TNPO1: variants seen among roughly 807,000 people sequenced by gnomAD.
TNPO1 encodes transportin 1, also known as transportin-1.
Under a neutral mutation model 119.5 loss-of-function variants are expected in TNPO1, and 8 were observed. The ratio of observed to expected loss-of-function variants is 0.07; its 90% confidence interval spans 0.04 to 0.12. The LOEUF is 0.12. Ranked by LOEUF, TNPO1 falls within the 10% of genes least tolerant of loss-of-function variation. The pLI is 1.00. For synonymous variants in TNPO1, 362 were observed against 363.0 expected, an observed-to-expected ratio of 1.00 and a Z score of 0.03; for missense variants, 576 against 1,089.8, an observed-to-expected ratio of 0.53 and a Z score of 6.64.
chr5:72,905,096 G>A, intron 23 of TNPO1, among the ~76,000 whole-genome samples: 1 of 152,112 alleles, frequency 6.6e-6, no homozygotes, highest in East Asian at 1.9e-4. Flanking sequence ...GGGAATTATG[G>A]GAGTACAATT....
intron 23 of TNPO1, among the ~76,000 whole-genome samples, chr5:72,904,736 G>A (rs1421257433): frequency 3.3e-5 from 5 of 152,198 alleles, no homozygotes; most frequent in African/African-American, 1.2e-4. Context: ...AGTGGAGGTT[G>A]CAGTGAGCCA....
intron 5 of TNPO1, among the ~76,000 whole-genome samples, chr5:72,862,590 G>C (rs1339663667): frequency 6.6e-6 from 1 of 151,722 alleles, no homozygotes; most frequent in Non-Finnish European, 1.5e-5. Flanking sequence ...GCCTCCCAAA[G>C]TGCTGGGATT....
intron 1 of TNPO1, among the ~76,000 whole-genome samples, chr5:72,843,032 A>G (rs1476367900): frequency 2.0e-5 from 3 of 152,158 alleles, no homozygotes; most frequent in Non-Finnish European, 4.4e-5. Context: ...GTCATTTACC[A>G]TAGTCATTCT....
intron 13 of TNPO1, among the ~76,000 whole-genome samples, chr5:72,888,763 A>G (rs924838504): frequency 1.3e-5 from 2 of 152,220 alleles, no homozygotes; most frequent in South Asian, 2.1e-4. Context: ...GTCAACCACC[A>G]TAACTCAGAA....
intron 9 of TNPO1, among the ~76,000 whole-genome samples, chr5:72,879,931 T>C (rs1330307296): frequency 2.6e-5 from 4 of 152,198 alleles, no homozygotes; most frequent in Non-Finnish European, 1.5e-5. Flanking sequence ...CTCATGCCTG[T>C]AACCTCAGCA....
chr5:72,871,417 G>C (rs1481925955), intron 6 of TNPO1, among the ~76,000 whole-genome samples: 1 of 152,180 alleles, frequency 6.6e-6, no homozygotes, highest in Admixed American at 6.5e-5. Flanking sequence ...GTGCTTTGCT[G>C]TAACTGCAGA....
chr5:72,826,765 G>A (rs373207500), intron 1 of TNPO1, among the ~76,000 whole-genome samples: 1 of 152,150 alleles, frequency 6.6e-6, no homozygotes, highest in Middle Eastern at 3.2e-3. Context: ...ACAGATACCT[G>A]TGTATTTAAT....
intron 4 of TNPO1, among the ~76,000 whole-genome samples, chr5:72,859,188 CTG>C (rs1746242051): frequency 6.6e-6 from 1 of 152,164 alleles, no homozygotes; most frequent in Non-Finnish European, 1.5e-5. Context: ...ATGTAGGACT[CTG>C]TTCCTCTAGA....
chr5:72,878,363 T>G (rs1011764243), intron 9 of TNPO1, among the ~76,000 whole-genome samples: 5 of 151,940 alleles, frequency 3.3e-5, no homozygotes, highest in African/African-American at 1.2e-4. Flanking sequence ...AGGAAATTTA[T>G]AGAACCGTAT....
At position 72,910,225 on chromosome 5, in the gene TNPO1, T is replaced by G. The variant is rs1750468431; in HGVS notation, c.*1552T>G. On this transcript the variant is annotated 3_prime_UTR_variant, in exon 25 of 25. Coordinates refer to ENST00000337273, the MANE Select transcript of TNPO1 (RefSeq NM_002270.4). ...AGGGTGCAAGTTAAAAGCTACAGAG[T>G]GAAAGTTGGTTTGGATCCTCTTCAT... 6.6e-6 allele frequency: 1 copy of G among 152,562 alleles called. No homozygotes were observed. The highest frequency in any genetic ancestry group is 1.5e-5 in the Non-Finnish European group (1 of 68,000). 9.5% of individuals were successfully genotyped at this position (152,562 alleles called of 1,614,324 possible). A position where few individuals can be genotyped will look rare whatever the true frequency, so the allele number is the denominator to read the frequency against.
At chr5:72,824,473 A>G (rs1744117789) in intron 1 of TNPO1, among the ~76,000 whole-genome samples, 1 of 152,120 alleles carries the variant, frequency 6.6e-6, no homozygotes. Flanking sequence ...TAGCCCCCAT[A>G]TTGTTAAATG....
chr5:72,900,262 T>C (rs946540477), intron 21 of TNPO1, among the ~76,000 whole-genome samples, 181 bp downstream of exon 21: 4 of 152,216 alleles, frequency 2.6e-5, no homozygotes, highest in Non-Finnish European at 4.4e-5. Flanking sequence ...CATGTATATT[T>C]ATTTTATGTT....
chr5:72,849,332 T>C (rs1471882994), intron 2 of TNPO1, among the ~76,000 whole-genome samples: 2 of 152,192 alleles, frequency 1.3e-5, no homozygotes, highest in Non-Finnish European at 1.5e-5. Context: ...GAGCTCTTAC[T>C]GGATGCAGTA....
chr5:72,822,881 C>T (rs1200637534), intron 1 of TNPO1, among the ~76,000 whole-genome samples: 1 of 149,478 alleles, frequency 6.7e-6, no homozygotes, highest in African/African-American at 2.5e-5. Context: ...GTGTGAGCCA[C>T]TGCGCCCGGC....
At chr5:72,869,014 T>TA (rs1747168666) in intron 6 of TNPO1, among the ~76,000 whole-genome samples, 3 of 151,858 alleles carry the variant, frequency 2.0e-5, no homozygotes, top group African/African-American at 7.2e-5. Context: ...CATCTCAAAA[T>TA]AAAAAAAGTT....
chr5:72,825,247 C>T (rs928696300), intron 1 of TNPO1, among the ~76,000 whole-genome samples: 3 of 152,136 alleles, frequency 2.0e-5, no homozygotes, highest in Non-Finnish European at 2.9e-5. Context: ...ATAAACCTTT[C>T]GCAAATTAAG....
At chr5:72,902,781 T>C (rs1749887742) in intron 22 of TNPO1, among the ~76,000 whole-genome samples, 1 of 152,304 alleles carries the variant, frequency 6.6e-6, no homozygotes, top group South Asian at 2.1e-4. Flanking sequence ...GTCATAGGTT[T>C]ATTTACATTT....
At chr5:72,848,230 T>C (rs894215289) in intron 1 of TNPO1, 155 bp from the exon 2 acceptor site, 6 of 1,257,568 alleles carry the variant, frequency 4.8e-6, no homozygotes, top group Non-Finnish European at 5.0e-6. Flanking sequence ...GTCCGTGACT[T>C]CCTTCGGGGC....
intron 7 of TNPO1, among the ~76,000 whole-genome samples, chr5:72,874,235 T>C (rs1033799535): frequency 6.6e-6 from 1 of 152,178 alleles, no homozygotes; most frequent in Non-Finnish European, 1.5e-5. Flanking sequence ...CTCTAACATA[T>C]AGTAGGCCCT....
Sources: gnomAD v4.1 joint callset for allele counts (sites outside exome capture counted in the v4.1 genomes callset) on GRCh38, gnomAD v4.1.1 for gene constraint, MANE v1.5 for transcripts, NCBI Gene and HGNC (gene_info 2026-07-23, HGNC 2026-07-21) for gene names.